ZNF503: variants seen among roughly 807,000 people sequenced by gnomAD.
The protein encoded by ZNF503 is zinc finger protein 503, also known as NocA-like zinc finger 2.
Under a neutral mutation model 34.4 loss-of-function variants are expected in ZNF503, and 15 were observed. That is an observed-to-expected ratio of 0.44 (90% confidence interval 0.29 to 0.67). ZNF503 has a LOEUF of 0.67. ZNF503 is among the 30% of genes least tolerant of loss of function. The probability of loss-of-function intolerance (pLI) is 0.13; values close to 1 mark genes in which losing one functional copy is unlikely to be tolerated. For synonymous variants in ZNF503, 580 were observed against 456.8 expected (o/e 1.27, Z -3.44); for missense variants, 1,007 against 926.8 (o/e 1.09, Z -1.12).
At chr10:75,295,614 C>T in the ZNF503 span, 1 of 152,228 alleles carries the variant, frequency 6.6e-6, no homozygotes, top group Non-Finnish European at 1.5e-5. This position sits in a 1 kb window ranked among gnomAD's most constrained non-coding sequence, Gnocchi z 4.0. Flanking sequence ...TAGACCTAAT[C>T]ATGAGTTGTA....
chr10:75,316,234 T>C, the ZNF503 span, among the ~76,000 whole-genome samples: 1 of 152,254 alleles, frequency 6.6e-6, no homozygotes, highest in Admixed American at 6.5e-5. Flanking sequence ...CTCATAGACA[T>C]ATTCAGAACC....
the ZNF503 span, among the ~76,000 whole-genome samples, chr10:75,340,352 G>A: frequency 5.3e-5 from 8 of 152,278 alleles, no homozygotes; most frequent in Admixed American, 4.6e-4. Flanking sequence ...AGGCATTTGG[G>A]CAGTATCAAA....
the ZNF503 span, among the ~76,000 whole-genome samples, chr10:75,307,314 G>T: frequency 6.6e-6 from 1 of 152,240 alleles, no homozygotes; most frequent in East Asian, 1.9e-4. Context: ...TCGGGTAGAA[G>T]ATCAAAGAAG....
the ZNF503 span, among the ~76,000 whole-genome samples, chr10:75,343,773 C>T: frequency 2.0e-5 from 3 of 152,320 alleles, no homozygotes; most frequent in East Asian, 5.8e-4. Context: ...TGCCTGGTGC[C>T]AGGCCTGCTC....
At chr10:75,307,198 T>C in the ZNF503 span, among the ~76,000 whole-genome samples, 1 of 152,102 alleles carries the variant, frequency 6.6e-6, no homozygotes, top group Non-Finnish European at 1.5e-5. Context: ...ACGCTGTAAA[T>C]ACAAAAGAAA....
At chr10:75,344,048 C>T in the ZNF503 span, among the ~76,000 whole-genome samples, 1 of 152,184 alleles carries the variant, frequency 6.6e-6, no homozygotes, top group South Asian at 2.1e-4. Flanking sequence ...CCTGCCTTGT[C>T]CTTAATCAGT....
chr10:75,331,416 T>G, the ZNF503 span, among the ~76,000 whole-genome samples: 6 of 152,342 alleles, frequency 3.9e-5, no homozygotes, highest in South Asian at 1.2e-3. Flanking sequence ...TCCCCAACTA[T>G]TTTGTATTGG....
At chr10:75,401,882 G>GCGCCGC (rs541008614), upstream of ZNF503, 15 of 168,668 alleles carry the variant, frequency 8.9e-5, no homozygotes, top group South Asian at 1.1e-3. Flanking sequence ...GACGCGTCCC[G>GCGCCGC]CGCCGCCGCC....
At chr10:75,393,293 G>A (rs1467617287), downstream of ZNF503, among the ~76,000 whole-genome samples, 2 of 152,242 alleles carry the variant, frequency 1.3e-5, no homozygotes, top group Non-Finnish European at 2.9e-5. Context: ...ATGAACTGGA[G>A]AGTAATATGC....
At chr10:75,290,300 T>C in the ZNF503 span, among the ~76,000 whole-genome samples, 25 of 151,728 alleles carry the variant, frequency 1.6e-4, no homozygotes, top group Admixed American at 1.2e-3. Flanking sequence ...TATGAATAAG[T>C]CTTCTTTCTC....
At chr10:75,324,885 G>C in the ZNF503 span, among the ~76,000 whole-genome samples, 1 of 152,006 alleles carries the variant, frequency 6.6e-6, no homozygotes, top group Admixed American at 6.6e-5. Context: ...CTTTCACTTA[G>C]CATAATATTT....
the ZNF503 span, among the ~76,000 whole-genome samples, chr10:75,369,093 T>TG: frequency 2.8e-4 from 43 of 152,212 alleles, no homozygotes; most frequent in African/African-American, 1.0e-3. Context: ...CATTATTAAG[T>TG]GGGGGGAAAA....
the ZNF503 span, among the ~76,000 whole-genome samples, chr10:75,299,679 G>C: frequency 6.6e-6 from 1 of 152,140 alleles, no homozygotes; most frequent in Admixed American, 6.5e-5. Context: ...GAAATAAAGG[G>C]ACAGAGTACA....
the ZNF503 span, among the ~76,000 whole-genome samples, chr10:75,336,144 T>C: frequency 6.6e-6 from 1 of 152,222 alleles, no homozygotes; most frequent in Admixed American, 6.5e-5. Flanking sequence ...AGAATATCTC[T>C]ACTCCTTCCT....
the ZNF503 span, among the ~76,000 whole-genome samples, chr10:75,291,122 C>T: frequency 1.3e-5 from 2 of 152,140 alleles, no homozygotes; most frequent in African/African-American, 4.8e-5. Context: ...GGAGAAAAAG[C>T]ATGTGTCAGG....
At chr10:75,288,128 C>T in the ZNF503 span, among the ~76,000 whole-genome samples, 3 of 152,238 alleles carry the variant, frequency 2.0e-5, no homozygotes, top group Non-Finnish European at 2.9e-5. Flanking sequence ...CCTGCCCTGT[C>T]GGGATTTGTC....
At chr10:75,358,336 T>C in the ZNF503 span, 1 of 152,080 alleles carries the variant, frequency 6.6e-6, no homozygotes, top group East Asian at 1.9e-4. Context: ...AAGTTGGAAG[T>C]GTTTGTGCTG....
chr10:75,399,527 C>G lies in ZNF503; in HGVS notation c.1163G>C (p.Ser388Thr). 6.3e-7 allele frequency: 1 copy of G among 1,586,218 alleles called. No individual in the cohort carries two copies. The highest frequency in any genetic ancestry group is 8.5e-7 in the Non-Finnish European group (1 of 1,173,568). Residue 388 changes from serine to threonine, a missense_variant, in exon 2 of 2, where the codon AGC (serine) becomes ACC (threonine). Coordinates refer to ENST00000372524, the MANE Select transcript of ZNF503 (RefSeq NM_032772.6). Reference sequence around the variant, plus strand: ...CGCCGCCAGCTGCGCCCCCACCAGGCTGCCCGGCTTGGTGGGGTCAAGTGC... The same window carrying G: ...CGCCGCCAGCTGCGCCCCCACCAGGGTGCCCGGCTTGGTGGGGTCAAGTGC... Reference protein sequence around the residue: ...GVALDPTKPGSLVGAQLAAAA... With the variant: ...GVALDPTKPGTLVGAQLAAAA...
chr10:75,343,500 G>A, the ZNF503 span, among the ~76,000 whole-genome samples: 40 of 152,276 alleles, frequency 2.6e-4, no homozygotes, highest in East Asian at 5.8e-4. Flanking sequence ...TCTACTCTGC[G>A]CCCAACCTTA....
Sources: allele counts gnomAD v4.1 joint callset (sites outside exome capture counted in the v4.1 genomes callset), GRCh38; gene constraint gnomAD v4.1.1; non-coding constraint Gnocchi (gnomAD v3.1); transcripts MANE v1.5; gene names NCBI Gene and HGNC (gene_info 2026-07-23, HGNC 2026-07-21).